The following CIDEB variants were observed in gnomAD, a reference collection of about 807,000 sequenced individuals.
CIDEB encodes cell death inducing DFFA like effector b, also known as lipid transferase CIDEB.
A neutral mutation model predicts 22.4 loss-of-function variants in CIDEB; 27 were observed. That is an observed-to-expected ratio of 1.21 (90% confidence interval 0.89 to 1.66). CIDEB has a LOEUF of 1.66. CIDEB is among the 40% of genes most tolerant of loss of function. CIDEB has a pLI of 0.00. For missense variants in CIDEB, 289 were observed against 268.7 expected (o/e 1.08, Z -0.53); for synonymous variants, 103 against 109.5 (o/e 0.94, Z 0.37).
At chr14:24,307,113 C>T (rs997589358) in intron 2 of CIDEB, 2 of 384,316 alleles carry the variant, frequency 5.2e-6, no homozygotes, top group African/African-American at 2.1e-5. Context: ...ACACAAATCA[C>T]CTTTCCATAC....
intron 4 of CIDEB, 84 bp downstream of exon 4, chr14:24,305,863 T>G: frequency 1.3e-6 from 2 of 1,581,730 alleles, no homozygotes; most frequent in Non-Finnish European, 1.7e-6. Flanking sequence ...AAGAGCTAAC[T>G]AGGGGTAGGT....
upstream of CIDEB, chr14:24,310,381 G>A: frequency 4.9e-6 from 3 of 614,700 alleles, no homozygotes; most frequent in South Asian, 5.7e-5. Context: ...GTGACAGCCT[G>A]GGGTGATGAC....
chr14:24,309,338 A>G (rs2041616006), upstream of CIDEB: 1 of 152,202 alleles, frequency 6.6e-6, no homozygotes, highest in Admixed American at 6.5e-5. Context: ...CCTTAGCTCA[A>G]GCTCTGCTTT....
At position 24,306,594 on chromosome 14, in the gene CIDEB, C is replaced by T. The variant is rs932035899; in HGVS notation, c.187-71G>A. 1.0e-5 allele frequency: 16 copies of T among 1,594,240 alleles called. No homozygotes were observed. The Admixed American group carries it at 2.0e-4, about 20-fold the overall frequency. On this transcript the variant is annotated intron_variant, in intron 2 of 4. Coordinates refer to ENST00000554411, the MANE Select transcript of CIDEB (RefSeq NM_001393339.1). ...CCTTCCCTCTTTAGCTGCCCAACAT[C>T]CATCAGTTGGCTCTAGACATTGGTC...
Position 24,305,546 on chromosome 14 carries a change from C to T in CIDEB, c.*87G>A, listed in dbSNP as rs2041471813. 2 of 1,515,978 alleles carry T rather than the reference C, an allele frequency of 1.3e-6. No individual in the cohort carries two copies. Among genetic ancestry groups the T allele is most frequent in the Admixed American group, 2.0e-5 (1 of 49,248 alleles). The allele number at this position is 1,515,978 out of a possible 1,614,324, so 93.9% of individuals were successfully genotyped here. The stretch of plus-strand genomic sequence containing the variant: ...AATTGGGTGGGTTATCTAGCCTGTA[C>T]TGTCTGCAGGTCCTGAAATTTGATG... On this transcript the variant is annotated 3_prime_UTR_variant, in exon 5 of 5. Transcript: ENST00000554411.
At chr14:24,309,231 T>C (rs1466510496), upstream of CIDEB, 1 of 152,264 alleles carries the variant, frequency 6.6e-6, no homozygotes, top group African/African-American at 2.4e-5. Flanking sequence ...TCTCTTGTTT[T>C]ACCTTATGCC....
Position 24,307,589 on chromosome 14 carries a change from A to G in CIDEB, c.42-74T>C, listed in dbSNP as rs943607918. 5 of 1,483,570 alleles carry G rather than the reference A, an allele frequency of 3.4e-6. No individual in the cohort carries two copies. In the African/African-American group the frequency reaches 5.7e-5, roughly 17 times the overall value. The allele number at this position is 1,483,570 out of a possible 1,614,324, so 91.9% of individuals were successfully genotyped here. On this transcript the variant is annotated intron_variant, in intron 1 of 4. Coordinates refer to ENST00000554411, the MANE Select transcript of CIDEB (RefSeq NM_001393339.1). ...AGTGTAAAGGGCATGATGAGGGTAG[A>G]GTGGCTAGAGGGCTAGGGAGGGAGA... is the stretch of plus-strand genomic sequence containing the variant.
At chr14:24,310,551 G>A, upstream of CIDEB, 3 of 1,143,576 alleles carry the variant, frequency 2.6e-6, no homozygotes, top group Non-Finnish European at 4.0e-6. Flanking sequence ...GAGGCAGGCT[G>A]CAGGGAAGTA....
At chr14:24,311,051 G>C, upstream of CIDEB, 1 of 1,572,832 alleles carries the variant, frequency 6.4e-7, no homozygotes, top group Non-Finnish European at 8.6e-7. Context: ...CCTTCCTGGC[G>C]CCTCGGCTGC....
upstream of CIDEB, chr14:24,310,738 C>T (rs752043279): frequency 9.3e-6 from 15 of 1,611,920 alleles, no homozygotes; most frequent in East Asian, 3.1e-4. Flanking sequence ...ACAGGCACAG[C>T]CTTCCTGCTG....
intron 1 of CIDEB, 38 bp downstream of exon 1, chr14:24,307,780 C>G: frequency 1.3e-6 from 2 of 1,571,208 alleles, no homozygotes; most frequent in South Asian, 2.3e-5. Flanking sequence ...GCCTATATCC[C>G]CTAAAGGTGG....
intron 3 of CIDEB, 69 bp downstream of exon 3, chr14:24,306,305 G>A: frequency 6.3e-7 from 1 of 1,599,330 alleles, no homozygotes; most frequent in Non-Finnish European, 8.6e-7. Context: ...TCAGGGTTAA[G>A]CTAGAGAGGA....
In CIDEB at chr14:24,305,206, AT is replaced by A; in HGVS notation, c.*426del. On this transcript the variant is annotated 3_prime_UTR_variant, in exon 5 of 5. Transcript: ENST00000554411. Reference sequence around the variant, plus strand: ...GAAGTCTTAGTGGTAAATATTTGATATTTTTATTGGAAATGTTTTTGTTAGT... The same window carrying A: ...GAAGTCTTAGTGGTAAATATTTGATATTTTATTGGAAATGTTTTTGTTAGT... 8.8e-7 allele frequency: 1 copy of A among 1,134,870 alleles called. No homozygotes were observed. Among genetic ancestry groups the A allele is most frequent in the Non-Finnish European group, 1.2e-6 (1 of 851,076 alleles). 70.3% of individuals were successfully genotyped at this position (1,134,870 alleles called of 1,614,324 possible).
chr14:24,306,138 CTG>C lies in CIDEB; in HGVS notation c.337-3_337-2del, dbSNP rs1481087271. On this transcript the variant is annotated splice_acceptor_variant and splice_polypyrimidine_tract_variant and intron_variant, in intron 3 of 4. Coordinates refer to ENST00000554411, the MANE Select transcript of CIDEB (RefSeq NM_001393339.1). LOFTEE classifies it high-confidence loss of function. ...CCAGGCCATATGACAGCACTCCACTCTGTAGGACACCCTTGTCAGTGCAGTAG... is the reference window on the plus strand; with the variant it reads ...CCAGGCCATATGACAGCACTCCACTCTAGGACACCCTTGTCAGTGCAGTAG... 3.1e-6 allele frequency: 5 copies of C among 1,612,822 alleles called. No homozygotes were observed. Among genetic ancestry groups the C allele is most frequent in the Non-Finnish European group, 4.2e-6 (5 of 1,179,356 alleles).
chr14:24,305,539 G>C lies in CIDEB; in HGVS notation c.*94C>G. 8 of 1,494,972 alleles carry C rather than the reference G, an allele frequency of 5.4e-6. No homozygotes were observed. Among genetic ancestry groups the C allele is most frequent in the Non-Finnish European group, 7.2e-6 (8 of 1,106,788 alleles). 92.6% of individuals were successfully genotyped at this position (1,494,972 alleles called of 1,614,324 possible). A position where few individuals can be genotyped will look rare whatever the true frequency, so the allele number is the denominator to read the frequency against. On this transcript the variant is annotated 3_prime_UTR_variant, in exon 5 of 5. Coordinates refer to ENST00000554411, the MANE Select transcript of CIDEB (RefSeq NM_001393339.1). Reference sequence around the variant, plus strand: ...GTGGGGAAATTGGGTGGGTTATCTAGCCTGTACTGTCTGCAGGTCCTGAAA... The same window carrying C: ...GTGGGGAAATTGGGTGGGTTATCTACCCTGTACTGTCTGCAGGTCCTGAAA...
chr14:24,308,604 T>C (rs1455442415), upstream of CIDEB: 1 of 153,308 alleles, frequency 6.5e-6, no homozygotes, highest in African/African-American at 2.4e-5. Flanking sequence ...TGCCGATTAG[T>C]GGACGTGACA....
At chr14:24,310,620 G>GA (rs1272307987), upstream of CIDEB, 1 of 1,605,056 alleles carries the variant, frequency 6.2e-7, no homozygotes, top group Non-Finnish European at 8.5e-7. Context: ...CCCCACCCCT[G>GA]AACGCCCTCT....
chr14:24,306,977 C>G (rs1206075714), intron 2 of CIDEB: 5 of 248,926 alleles, frequency 2.0e-5, no homozygotes, highest in East Asian at 9.1e-5. Flanking sequence ...TTTCAACAAC[C>G]CTAGGAGGTG....
In CIDEB at chr14:24,307,839, A is replaced by G. The variant is rs767333976; in HGVS notation, c.20T>C (p.Leu7Pro). Residue 7 changes from leucine (L) to proline (P), a missense_variant, in exon 1 of 5, where the codon CTG becomes CCG. Leu to Pro is a moderately conservative substitution (Grantham distance 98). Coordinates refer to ENST00000554411, the MANE Select transcript of CIDEB (RefSeq NM_001393339.1). ...TCACCTGAGTAAGTCACTGGGGTTC[A>G]GAGCTGAGAGGTACTCCATGGTGGA... MEYLSA[L>P]NPSDLLRSVS... The G allele has an allele frequency of 2.5e-6, 4 of 1,595,412 alleles. No individual in the cohort carries two copies. Among genetic ancestry groups the G allele is most frequent in the East Asian group, 2.3e-5 (1 of 44,304 alleles).
Sources: gnomAD v4.1 joint callset for allele counts on GRCh38, gnomAD v4.1.1 for gene constraint, MANE v1.5 for transcripts, NCBI Gene and HGNC (gene_info 2026-07-23, HGNC 2026-07-21) for gene names.